Variants in ZNF831 observed in about 807,000 individuals in gnomAD.
The protein encoded by ZNF831 is zinc finger protein 831, also known as chromosome 20 open reading frame 174.
In ZNF831, 59 loss-of-function variants were observed where a neutral mutation model predicts 95.8. That is an observed-to-expected ratio of 0.62 (90% CI 0.50 to 0.77). The LOEUF (loss-of-function observed/expected upper bound fraction) is 0.77, where lower values mean the gene tolerates loss of function less well. ZNF831 is among the 30% of genes least tolerant of loss of function. ZNF831 has a pLI of 0.00. For synonymous variants in ZNF831, 961 were observed against 925.5 expected, an observed-to-expected ratio of 1.04 and a Z score of -0.70; for missense variants, 2,205 against 2,164.0, an observed-to-expected ratio of 1.02 and a Z score of -0.38.
At chr20:59,164,369 G>C (rs1032520145) in intron 1 of ZNF831, among the ~76,000 whole-genome samples, 162 bp downstream of exon 1, 3 of 152,196 alleles carry the variant, frequency 2.0e-5, no homozygotes, top group Non-Finnish European at 4.4e-5. Flanking sequence ...TCTCTCATGT[G>C]CTTAATACTG....
At chr20:59,138,337 G>A (rs1979576060) in intron 1 of ZNF831, among the ~76,000 whole-genome samples, 1 of 150,514 alleles carries the variant, frequency 6.6e-6, no homozygotes, top group Non-Finnish European at 1.5e-5. Context: ...CGCTTTCCAT[G>A]GTGCTGACAG....
upstream of ZNF831, chr20:59,159,755 G>T (rs997703735): frequency 6.6e-6 from 1 of 152,338 alleles, no homozygotes; most frequent in South Asian, 2.1e-4. Context: ...AGCGGAGTGC[G>T]TGCCTCCCCG....
chr20:59,139,248 T>C (rs865921204), intron 1 of ZNF831, among the ~76,000 whole-genome samples: 1 of 152,246 alleles, frequency 6.6e-6, no homozygotes, highest in African/African-American at 2.4e-5. Context: ...AGTATTTCTA[T>C]GGTGTGGATG....
At chr20:59,207,105 C>T (rs369309553) in intron 4 of ZNF831, 49 bp downstream of exon 4, 34 of 1,596,984 alleles carry the variant, frequency 2.1e-5, no homozygotes, top group South Asian at 3.4e-5. Context: ...CGAAGGCACC[C>T]GCCCAAGGCA....
At chr20:59,245,854 G>C (rs936723684) in intron 4 of ZNF831, among the ~76,000 whole-genome samples, 4 of 152,208 alleles carry the variant, frequency 2.6e-5, no homozygotes, top group African/African-American at 9.6e-5. Flanking sequence ...AGAGGAAAAA[G>C]TGATCAAAAC....
At chr20:59,150,778 G>A (rs1414656312) in intron 2 of ZNF831, among the ~76,000 whole-genome samples, 1 of 152,202 alleles carries the variant, frequency 6.6e-6, no homozygotes, top group African/African-American at 2.4e-5. Context: ...TGTTGTCCAG[G>A]AGAGAAACAG....
intron 1 of ZNF831, among the ~76,000 whole-genome samples, chr20:59,130,209 G>A (rs781523709): frequency 5.3e-5 from 8 of 152,218 alleles, no homozygotes; most frequent in African/African-American, 1.7e-4. Context: ...TAATATGCTT[G>A]GAGGAGAGAA....
At chr20:59,207,837 T>C (rs1985009076) in intron 4 of ZNF831, among the ~76,000 whole-genome samples, 1 of 152,242 alleles carries the variant, frequency 6.6e-6, no homozygotes, top group Admixed American at 6.5e-5. Flanking sequence ...TGTTGTCTGT[T>C]TGGCTCAAGA....
At chr20:59,188,031 G>T (rs972692566) in intron 1 of ZNF831, among the ~76,000 whole-genome samples, 4 of 152,162 alleles carry the variant, frequency 2.6e-5, no homozygotes, top group Non-Finnish European at 5.9e-5. Context: ...ATTGCCGTTT[G>T]TCTATCCACT....
rs1479598535 is a variant in ZNF831, at chr20:59,193,889, C to G, written c.2870C>G (p.Pro957Arg). The G allele has an allele frequency of 6.2e-7, 1 of 1,608,054 alleles. No homozygotes were observed. Among genetic ancestry groups the G allele is most frequent in the Admixed American group, 1.7e-5 (1 of 59,170 alleles). Residue 957 changes from proline to arginine, a missense_variant, in exon 2 of 6, where the codon CCC becomes CGC. By Grantham distance (103) the Pro-to-Arg change is moderately radical. Coordinates refer to ENST00000371030, the MANE Select transcript of ZNF831 (RefSeq NM_178457.3). ...QAETPLPLPI[P>R]WGPRHSQDSL... ...GAGACCCCCTTACCACTGCCCATTC[C>G]CTGGGGACCAAGGCACAGCCAGGAC... is the stretch of plus-strand genomic sequence containing the variant.
intron 4 of ZNF831, among the ~76,000 whole-genome samples, chr20:59,245,536 T>G (rs6100379): frequency 0.016 from 2,509 of 152,304 alleles, 73 homozygotes; most frequent in African/African-American, 0.057. Flanking sequence ...TGTTGCAGTG[T>G]GGGATGTGTA....
intron 1 of ZNF831, among the ~76,000 whole-genome samples, chr20:59,166,588 C>A (rs186856596): frequency 6.6e-5 from 10 of 152,266 alleles, no homozygotes; most frequent in East Asian, 1.9e-4. Context: ...TCTCTCCCCC[C>A]CAACCCCTTA....
Position 59,228,611 on chromosome 20 carries a change from G to T in ZNF831, c.4027+21555G>T, listed in dbSNP as rs374002509. Among the ~76,000 whole-genome samples the T allele has an allele frequency of 5.3e-5, 8 of 152,122 alleles. No homozygotes were observed. The East Asian group carries it at 7.7e-4, about 15-fold the overall frequency. On this transcript the variant is annotated intron_variant, in intron 4 of 5. Coordinates refer to ENST00000371030, the MANE Select transcript of ZNF831 (RefSeq NM_178457.3). ...TTATGTCTTCCATCCTCCCACGAAG[G>T]CTGGGCATGGTGACAGAGAGAGGAG...
At chr20:59,148,122 G>A (rs539996641) in intron 2 of ZNF831, among the ~76,000 whole-genome samples, 4 of 152,340 alleles carry the variant, frequency 2.6e-5, no homozygotes, top group South Asian at 2.1e-4. Context: ...GGCCATTGAC[G>A]CTAATTGTTA....
At chr20:59,220,769 T>A (rs1986026572) in intron 4 of ZNF831, among the ~76,000 whole-genome samples, 1 of 152,182 alleles carries the variant, frequency 6.6e-6, no homozygotes, top group Non-Finnish European at 1.5e-5. Context: ...CCTTACTCCA[T>A]TAACCTTGGA....
intron 3 of ZNF831, among the ~76,000 whole-genome samples, chr20:59,198,208 C>G (rs1380453294): frequency 1.3e-5 from 2 of 152,210 alleles, no homozygotes; most frequent in African/African-American, 2.4e-5. Context: ...TGCAAACCCA[C>G]TAGCAGCTCT....
chr20:59,150,263 CT>C (rs1980149781), intron 2 of ZNF831, among the ~76,000 whole-genome samples: 1 of 152,154 alleles, frequency 6.6e-6, no homozygotes, highest in African/African-American at 2.4e-5. Context: ...GATTGGGAAG[CT>C]GCACATTTAG....
At chr20:59,140,732 T>A (rs1979652285) in intron 1 of ZNF831, among the ~76,000 whole-genome samples, 2 of 152,300 alleles carry the variant, frequency 1.3e-5, no homozygotes, top group South Asian at 2.1e-4. Context: ...TTTGGTGTTG[T>A]CATTTTTAAT....
At position 59,192,614 on chromosome 20, in the gene ZNF831, C is replaced by T. The variant is rs1983683558; in HGVS notation, c.1595C>T (p.Pro532Leu). 4 of 1,504,014 alleles carry T rather than the reference C, an allele frequency of 2.7e-6. No homozygotes were observed. Among genetic ancestry groups the T allele is most frequent in the African/African-American group, 2.8e-5 (2 of 71,444 alleles). The allele number at this position is 1,504,014 out of a possible 1,614,324, so 93.2% of individuals were successfully genotyped here. A position where few individuals can be genotyped will look rare whatever the true frequency, so the allele number is the denominator to read the frequency against. ...PRDPWSRTQK[P>L]LSPRPGPARL... ...GACCCCTGGTCCAGGACGCAGAAGC[C>T]TCTGAGCCCCAGGCCCGGCCCAGCC... The change falls in exon 2 of 6, where the codon CCT becomes CTT. Residue 532 changes from proline (P) to leucine (L), a missense_variant. By Grantham distance (98) the Pro-to-Leu change is moderately conservative. Coordinates refer to ENST00000371030, the MANE Select transcript of ZNF831 (RefSeq NM_178457.3). The surrounding 1 kb of genome is among the most constrained non-coding windows in gnomAD (Gnocchi z 5.2).
Sources: allele counts gnomAD v4.1 joint callset (sites outside exome capture counted in the v4.1 genomes callset), GRCh38; gene constraint gnomAD v4.1.1; non-coding constraint Gnocchi (gnomAD v3.1); transcripts MANE v1.5; gene names NCBI Gene and HGNC (gene_info 2026-07-23, HGNC 2026-07-21).